Variants in PDE1B observed in about 807,000 individuals in gnomAD.
PDE1B encodes dual specificity calcium/calmodulin-dependent 3',5'-cyclic nucleotide phosphodiesterase 1B.
A neutral mutation model predicts 66.7 loss-of-function variants in PDE1B; 13 were observed. That is an observed-to-expected ratio of 0.19 (90% CI 0.13 to 0.31). The LOEUF (loss-of-function observed/expected upper bound fraction) is 0.31. Ranked by LOEUF, PDE1B falls within the 10% of genes least tolerant of loss-of-function variation. The pLI, the probability that PDE1B is intolerant of heterozygous loss-of-function variation, is 1.00. For missense variants in PDE1B, 485 were observed against 682.3 expected, an observed-to-expected ratio of 0.71 and a Z score of 3.22; for synonymous variants, 230 against 253.9, an observed-to-expected ratio of 0.91 and a Z score of 0.90.
Position 54,573,870 on chromosome 12 carries a change from A to AGAGAGG in PDE1B, c.1064+162_1064+163insAGAGGG, listed in dbSNP as rs774810310. The AGAGAGG allele has an allele frequency of 1.2e-5, 6 of 499,162 alleles. No individual in the cohort carries two copies. The highest frequency in any genetic ancestry group is 1.8e-5 in the Non-Finnish European group (5 of 281,060). The allele number at this position is 499,162 out of a possible 1,614,324, so 30.9% of individuals were successfully genotyped here. ...GCATCTCTATGTGAGAGAGAGAGAGAGTGTGTGTGTGTGTGTGTGTGTGTG... is the reference window on the plus strand; with the variant it reads ...GCATCTCTATGTGAGAGAGAGAGAGAGAGAGGGTGTGTGTGTGTGTGTGTGTGTGTG... On this transcript the variant is annotated intron_variant, in intron 10 of 15. Transcript: ENST00000243052. This position sits in a 1 kb window ranked among gnomAD's most constrained non-coding sequence, Gnocchi z 5.2.
intron 2 of PDE1B, among the ~76,000 whole-genome samples, chr12:54,563,272 C>T (rs1191180905): frequency 6.6e-6 from 1 of 152,144 alleles, no homozygotes. Flanking sequence ...GGGTTCCAGC[C>T]TCTCTCTAAG....
Position 54,569,951 on chromosome 12 carries a change from C to T in PDE1B, c.478-290C>T, listed in dbSNP as rs530628780. On this transcript the variant is annotated intron_variant, in intron 5 of 15. Coordinates refer to ENST00000243052, the MANE Select transcript of PDE1B (RefSeq NM_000924.4). This position sits in a 1 kb window ranked among gnomAD's most constrained non-coding sequence, Gnocchi z 4.4. ...TTGACCTCAAGTGTTCTGCCCACCT[C>T]GGTCTCCCAAAGTATTGGGATTACA... 5.9e-5 allele frequency among the ~76,000 whole-genome samples: 9 copies of T among 152,274 alleles called. No individual in the cohort carries two copies. Among genetic ancestry groups the T allele is most frequent in the African/African-American group, 1.4e-4 (6 of 41,576 alleles).
chr12:54,565,085 G>A (rs770253823), intron 2 of PDE1B, among the ~76,000 whole-genome samples: 10 of 152,208 alleles, frequency 6.6e-5, no homozygotes, highest in African/African-American at 2.4e-4. Context: ...AATGAGTGCC[G>A]TGGGTGTGGC....
At position 54,569,120 on chromosome 12, in the gene PDE1B, A is replaced by G. The variant is rs753830823; in HGVS notation, c.228-64A>G. The stretch of plus-strand genomic sequence containing the variant: ...CTAAATGTGGGGTATGGCTGGGTAC[A>G]GGGTCTCTAGGCTGTGGAAGCACCT... On this transcript the variant is annotated intron_variant, in intron 3 of 15. Coordinates refer to ENST00000243052, the MANE Select transcript of PDE1B (RefSeq NM_000924.4). This position sits in a 1 kb window ranked among gnomAD's most constrained non-coding sequence, Gnocchi z 4.4. 6 of 1,525,634 alleles carry G rather than the reference A, an allele frequency of 3.9e-6. No individual in the cohort carries two copies. Among genetic ancestry groups the G allele is most frequent in the Non-Finnish European group, 5.3e-6 (6 of 1,134,060 alleles). 94.5% of individuals were successfully genotyped at this position (1,525,634 alleles called of 1,614,324 possible). A position where few individuals can be genotyped will look rare whatever the true frequency, so the allele number is the denominator to read the frequency against.
At chr12:54,550,219 T>C (rs893423833) in intron 2 of PDE1B, 1 of 1,374,422 alleles carries the variant, frequency 7.3e-7, no homozygotes, top group African/African-American at 1.5e-5. Context: ...ACGATGTGCC[T>C]GTGCCTGTGG....
chr12:54,573,075 C>T lies in PDE1B; in HGVS notation c.736-73C>T, dbSNP rs1957645909. ...GAAGGGATGGGATGAGTGATCTAGC[C>T]TGTGTGTGGAGGTTCCTGGGAAGTG... On this transcript the variant is annotated intron_variant, in intron 7 of 15. Coordinates refer to ENST00000243052, the MANE Select transcript of PDE1B (RefSeq NM_000924.4). The surrounding 1 kb of genome is among the most constrained non-coding windows in gnomAD (Gnocchi z 5.2). 1.9e-6 allele frequency: 2 copies of T among 1,063,994 alleles called. No individual in the cohort carries two copies. Among genetic ancestry groups the T allele is most frequent in the Non-Finnish European group, 2.9e-6 (2 of 682,214 alleles). 65.9% of individuals were successfully genotyped at this position (1,063,994 alleles called of 1,614,324 possible).
chr12:54,574,692 C>A, intron 10 of PDE1B: 1 of 170,892 alleles, frequency 5.9e-6, no homozygotes, highest in Non-Finnish European at 1.2e-5. Flanking sequence ...TATGTGAGGC[C>A]GGGCGTGGTG....
chr12:54,561,569 G>A, intron 2 of PDE1B: 1 of 1,518,530 alleles, frequency 6.6e-7, no homozygotes, highest in South Asian at 1.2e-5. Context: ...CTCTGAAGCA[G>A]GAAACTTTGA....
chr12:54,569,865 A>G lies in PDE1B; in HGVS notation c.477+253A>G, dbSNP rs1223552166. Among the ~76,000 whole-genome samples, 1 of 151,936 alleles carries G rather than the reference A, an allele frequency of 6.6e-6. No individual in the cohort carries two copies. Among genetic ancestry groups the G allele is most frequent in the Non-Finnish European group, 1.5e-5 (1 of 67,942 alleles). On this transcript the variant is annotated intron_variant, in intron 5 of 15. Coordinates refer to ENST00000243052, the MANE Select transcript of PDE1B (RefSeq NM_000924.4). The surrounding 1 kb of genome is among the most constrained non-coding windows in gnomAD (Gnocchi z 4.4). ...CAGGTGCCCACCACCATGCCCAGCT[A>G]ATTTTTGTAGTTTTAGTAGAGATGG...
chr12:54,577,302 C>G lies in PDE1B; in HGVS notation c.1585C>G (p.His529Asp). The change falls in exon 15 of 16, where the codon CAC (histidine) becomes GAC (aspartate). Residue 529 changes from histidine to aspartate, a missense_variant. By Grantham distance (81) the His-to-Asp change is moderately conservative. Coordinates refer to ENST00000243052, the MANE Select transcript of PDE1B (RefSeq NM_000924.4). ...EAPPSPAEDEHNQNGNLD is the reference protein window; with the variant it reads ...EAPPSPAEDEDNQNGNLD ...CCCCCCATCCCCTGCCGAAGATGAA[C>G]ACAACCAGAATGGGAATCTGGATTA... 6.2e-7 allele frequency: 1 copy of G among 1,614,008 alleles called. No individual in the cohort carries two copies. The highest frequency in any genetic ancestry group is 8.5e-7 in the Non-Finnish European group (1 of 1,179,990).
intron 3 of PDE1B, among the ~76,000 whole-genome samples, chr12:54,568,572 C>T (rs574859647): frequency 1.7e-4 from 25 of 150,972 alleles, no homozygotes; most frequent in Non-Finnish European, 3.0e-4. Context: ...TTGCCGGGCA[C>T]GGTGGCTCAC....
chr12:54,577,331 C>T lies in PDE1B; in HGVS notation c.*3C>T. ...ACCAGAATGGGAATCTGGATTAGCC[C>T]TGGGGCTGGCCCAGGTGAGCCTGTT... On this transcript the variant is annotated 3_prime_UTR_variant, in exon 15 of 16. Coordinates refer to ENST00000243052, the MANE Select transcript of PDE1B (RefSeq NM_000924.4). The T allele has an allele frequency of 6.2e-7, 1 of 1,613,902 alleles. No individual in the cohort carries two copies. Among genetic ancestry groups the T allele is most frequent in the Non-Finnish European group, 8.5e-7 (1 of 1,179,934 alleles).
At position 54,568,977 on chromosome 12, in the gene PDE1B, A is replaced by T. The variant is rs141372403; in HGVS notation, c.228-207A>T. 941 of 747,806 alleles carry T rather than the reference A, an allele frequency of 1.3e-3. 6 individuals carry two copies. The African/African-American group carries it at 0.013, about 10-fold the overall frequency. 46.3% of individuals were successfully genotyped at this position (747,806 alleles called of 1,614,324 possible). ...CTGCTTAAACACTTCCATAGTTGGG[A>T]TGCTCACTACCTCACATGGAGACCT... On this transcript the variant is annotated intron_variant, in intron 3 of 15. Transcript: ENST00000243052.
rs774810310 is a variant in PDE1B at position 54,573,870 on chromosome 12, A to AGAGAGAGAGTGT, written c.1064+162_1064+163insAGAGAGAGTGTG. On this transcript the variant is annotated intron_variant, in intron 10 of 15. Transcript: ENST00000243052. The surrounding 1 kb of genome is among the most constrained non-coding windows in gnomAD (Gnocchi z 5.2). ...GCATCTCTATGTGAGAGAGAGAGAG[A>AGAGAGAGAGTGT]GTGTGTGTGTGTGTGTGTGTGTGTG... is the stretch of plus-strand genomic sequence containing the variant. 422 of 502,040 alleles carry AGAGAGAGAGTGT rather than the reference A, an allele frequency of 8.4e-4. 4 individuals are homozygous for AGAGAGAGAGTGT. In the African/African-American group the frequency reaches 8.6e-3, roughly 10 times the overall value. 31.1% of individuals were successfully genotyped at this position (502,040 alleles called of 1,614,324 possible). A position where few individuals can be genotyped will look rare whatever the true frequency, so the allele number is the denominator to read the frequency against.
Position 54,577,302 on chromosome 12 carries a change from CACA to C in PDE1B, c.1588_1590del (p.Asn530del), listed in dbSNP as rs1957775585. 1 of 1,614,008 alleles carries C rather than the reference CACA, an allele frequency of 6.2e-7. No individual in the cohort carries two copies. The highest frequency in any genetic ancestry group is 8.5e-7 in the Non-Finnish European group (1 of 1,179,990). The stretch of plus-strand genomic sequence containing the variant: ...CCCCCCATCCCCTGCCGAAGATGAA[CACA>C]ACCAGAATGGGAATCTGGATTAGCC... On this transcript the variant is annotated inframe_deletion, in exon 15 of 16. Coordinates refer to ENST00000243052, the MANE Select transcript of PDE1B (RefSeq NM_000924.4).
rs745768668 is a variant in PDE1B, at chr12:54,573,714, C to T, written c.1064+5C>T. The T allele has an allele frequency of 6.2e-7, 1 of 1,609,850 alleles. No homozygotes were observed. ...AGCCTTGCAACAGCTGGAGAGGTGG[C>T]ATCTGGTGGGGTGTGGCTGGGGCCA... is the stretch of plus-strand genomic sequence containing the variant. On this transcript the variant is annotated splice_donor_5th_base_variant and intron_variant, in intron 10 of 15. Transcript: ENST00000243052. The surrounding 1 kb of genome is among the most constrained non-coding windows in gnomAD (Gnocchi z 5.2).
intron 2 of PDE1B, among the ~76,000 whole-genome samples, chr12:54,564,830 C>T (rs563014512): frequency 6.6e-6 from 1 of 152,262 alleles, no homozygotes; most frequent in South Asian, 2.1e-4. Context: ...CTCAAAGGCT[C>T]ACAGCAGGAA....
At chr12:54,560,582 G>A (rs1490518220) in intron 2 of PDE1B, among the ~76,000 whole-genome samples, 1 of 152,160 alleles carries the variant, frequency 6.6e-6, no homozygotes, top group Non-Finnish European at 1.5e-5. Flanking sequence ...ACATCTCCCA[G>A]CCAATCAGGA....
intron 2 of PDE1B, among the ~76,000 whole-genome samples, chr12:54,560,650 C>T (rs538273654): frequency 6.6e-6 from 1 of 152,318 alleles, no homozygotes; most frequent in Non-Finnish European, 1.5e-5. Context: ...GGGTTCTTCC[C>T]TCCCCAACCT....
Sources: gnomAD v4.1 joint callset for allele counts (sites outside exome capture counted in the v4.1 genomes callset) on GRCh38, gnomAD v4.1.1 for gene constraint, Gnocchi (gnomAD v3.1) non-coding constraint, MANE v1.5 for transcripts, NCBI Gene and HGNC (gene_info 2026-07-23, HGNC 2026-07-21) for gene names.